FRAS1: variants seen among roughly 807,000 people sequenced by gnomAD.
FRAS1 encodes the protein Fraser extracellular matrix complex subunit 1.
FRAS1 carries 290 observed loss-of-function variants against 435.2 expected under a neutral mutation model. The observed-to-expected ratio is 0.67, with a 90% confidence interval of 0.61 to 0.73. FRAS1 has a LOEUF of 0.73. Ranked by LOEUF, FRAS1 falls within the 30% of genes least tolerant of loss-of-function variation. The pLI is 0.00. For missense variants in FRAS1, 4,860 were observed against 5,001.5 expected (o/e 0.97, Z 0.85); for synonymous variants, 1,800 against 1,851.0 (o/e 0.97, Z 0.71).
intron 18 of FRAS1, chr4:78,319,617 A>G (rs78630423): frequency 0.085 from 24,837 of 292,212 alleles, 1,337 homozygotes; most frequent in Middle Eastern, 0.14. Flanking sequence ...CATTGTAAAC[A>G]TATGTTCATT....
At chr4:78,226,187 T>C (rs1324467519) in intron 2 of FRAS1, among the ~76,000 whole-genome samples, 1 of 152,190 alleles carries the variant, frequency 6.6e-6, no homozygotes. Flanking sequence ...TGCATGTTTT[T>C]GTGCATTTTG....
intron 2 of FRAS1, among the ~76,000 whole-genome samples, chr4:78,122,024 A>G (rs1379334960): frequency 2.0e-5 from 3 of 152,154 alleles, no homozygotes; most frequent in Admixed American, 6.5e-5. Context: ...CATGTGCAGA[A>G]CATGCAGTTT....
intron 7 of FRAS1, 100 bp from the exon 8 acceptor site, chr4:78,266,734 T>A: frequency 1.2e-6 from 1 of 830,842 alleles, no homozygotes; most frequent in African/African-American, 1.7e-5. Flanking sequence ...GTGGCTCATC[T>A]TACAAATGTA....
intron 14 of FRAS1, among the ~76,000 whole-genome samples, chr4:78,289,018 T>C (rs923235191): frequency 8.5e-5 from 13 of 152,230 alleles, no homozygotes; most frequent in African/African-American, 2.9e-4. Context: ...TGCCACTTTA[T>C]TGGCCCATTA....
At chr4:78,389,020 A>T (rs1210890877) in intron 29 of FRAS1, among the ~76,000 whole-genome samples, 1 of 152,230 alleles carries the variant, frequency 6.6e-6, no homozygotes, top group East Asian at 1.9e-4. Context: ...AAAATATGAA[A>T]AATAATACAT....
rs71214392 is a variant in FRAS1 at position 78,058,103 on chromosome 4, C to CGTGTGTGTGTGT, written c.76+24_76+35dup. On this transcript the variant is annotated intron_variant, in intron 1 of 73. Coordinates refer to ENST00000512123, the MANE Select transcript of FRAS1 (RefSeq NM_025074.7). ...TTCCGAAGGTGAGAGAGCGGTGCCG[C>CGTGTGTGTGTGT]GTGTGTGTGTGTGTGTGCGTGTGCG... 298 of 1,529,246 alleles carry CGTGTGTGTGTGT rather than the reference C, an allele frequency of 1.9e-4. 2 individuals are homozygous for CGTGTGTGTGTGT. In the African/African-American group the frequency reaches 3.8e-3, roughly 19 times the overall value. 94.7% of individuals were successfully genotyped at this position (1,529,246 alleles called of 1,614,324 possible).
At chr4:78,285,027 A>G (rs1176974161) in intron 13 of FRAS1, among the ~76,000 whole-genome samples, 4 of 152,198 alleles carry the variant, frequency 2.6e-5, no homozygotes, top group African/African-American at 9.7e-5. Flanking sequence ...TCAAACAGAT[A>G]GTTGGTAATA....
intron 2 of FRAS1, among the ~76,000 whole-genome samples, chr4:78,093,512 GA>G (rs1020376903): frequency 5.3e-5 from 8 of 152,156 alleles, no homozygotes; most frequent in Non-Finnish European, 1.2e-4. Flanking sequence ...TAAGATTTCA[GA>G]AGAGCAGAAG....
intron 9 of FRAS1, among the ~76,000 whole-genome samples, chr4:78,272,062 C>T (rs970955317): frequency 1.3e-5 from 2 of 152,188 alleles, no homozygotes; most frequent in Non-Finnish European, 2.9e-5. Context: ...TCTCTGATGA[C>T]CAGTGACGAT....
intron 2 of FRAS1, among the ~76,000 whole-genome samples, chr4:78,085,095 G>T (rs1420338156): frequency 6.6e-6 from 1 of 152,024 alleles, no homozygotes; most frequent in African/African-American, 2.4e-5. Context: ...ATTTTGGGGA[G>T]TATTCTTTTG....
At chr4:78,124,706 G>T (rs901919078) in intron 2 of FRAS1, among the ~76,000 whole-genome samples, 1 of 151,972 alleles carries the variant, frequency 6.6e-6, no homozygotes, top group Non-Finnish European at 1.5e-5. Flanking sequence ...GTCTTGGGAG[G>T]GTGTATGTGT....
intron 6 of FRAS1, among the ~76,000 whole-genome samples, chr4:78,256,143 A>G (rs1261031224): frequency 6.6e-6 from 1 of 152,216 alleles, no homozygotes; most frequent in African/African-American, 2.4e-5. Context: ...AACAAAATCA[A>G]TAACATAGCA....
intron 63 of FRAS1, among the ~76,000 whole-genome samples, 196 bp downstream of exon 63, chr4:78,509,202 G>A (rs1720951922): frequency 6.6e-6 from 1 of 152,208 alleles, no homozygotes; most frequent in Non-Finnish European, 1.5e-5. Context: ...CTAGTTAGAA[G>A]ACCTGTTTGC....
At chr4:78,089,749 C>G (rs907908978) in intron 2 of FRAS1, among the ~76,000 whole-genome samples, 1 of 152,020 alleles carries the variant, frequency 6.6e-6, no homozygotes, top group Non-Finnish European at 1.5e-5. Flanking sequence ...TTGCTTTTTT[C>G]TTTTCTTTTT....
At chr4:78,499,968 G>T (rs752538818) in intron 61 of FRAS1, 47 bp downstream of exon 61, 1 of 1,361,292 alleles carries the variant, frequency 7.3e-7, no homozygotes, top group African/African-American at 1.5e-5. Flanking sequence ...TAATAGAGGG[G>T]CAAAAATCTT....
intron 1 of FRAS1, among the ~76,000 whole-genome samples, chr4:78,059,271 G>C (rs866982778): frequency 7.2e-5 from 11 of 152,126 alleles, no homozygotes; most frequent in Admixed American, 3.3e-4. Flanking sequence ...CCAGTCACTG[G>C]AGCAGCTGCC....
chr4:78,510,579 T>G (rs2109883811), intron 63 of FRAS1, among the ~76,000 whole-genome samples: 1 of 152,332 alleles, frequency 6.6e-6, no homozygotes, highest in Middle Eastern at 3.4e-3. Context: ...TAATTTTTCT[T>G]GTTATATACT....
chr4:78,425,873 C>T (rs1733978975), intron 35 of FRAS1, among the ~76,000 whole-genome samples: 1 of 152,144 alleles, frequency 6.6e-6, no homozygotes, highest in Non-Finnish European at 1.5e-5. Context: ...CAGTGGCTCA[C>T]ACCTGTACTC....
At position 78,430,377 on chromosome 4, in the gene FRAS1, T is replaced by C; in HGVS notation, c.4929T>C (p.Leu1643=). ...ELRRPPQHGV[L]LKHTAEFRRP... ...GGAGACCTCCACAGCATGGTGTGCTTCTTAAGCATACAGCTGAGTTCCGAA... is the reference window on the plus strand; with the variant it reads ...GGAGACCTCCACAGCATGGTGTGCTCCTTAAGCATACAGCTGAGTTCCGAA... Residue 1643 remains leucine, a synonymous_variant, in exon 37 of 74, where the codon CTT becomes CTC. Transcript: ENST00000512123. The C allele has an allele frequency of 6.2e-7, 1 of 1,613,816 alleles. No homozygotes were observed. Among genetic ancestry groups the C allele is most frequent in the Non-Finnish European group, 8.5e-7 (1 of 1,179,832 alleles).
Sources: allele counts gnomAD v4.1 joint callset (sites outside exome capture counted in the v4.1 genomes callset), GRCh38; gene constraint gnomAD v4.1.1; transcripts MANE v1.5; gene names NCBI Gene and HGNC (gene_info 2026-07-23, HGNC 2026-07-21).